ALK: variants seen among roughly 807,000 people sequenced by gnomAD.
ALK encodes ALK receptor tyrosine kinase.
In ALK, 74 loss-of-function variants were observed where a neutral mutation model predicts 163.1. The ratio of observed to expected loss-of-function variants is 0.45; its 90% CI spans 0.38 to 0.55. The LOEUF is 0.55. Ranked by LOEUF, ALK falls within the 20% of genes least tolerant of loss-of-function variation. The pLI is 0.00. For missense variants in ALK, 2,063 were observed against 2,105.3 expected, an observed-to-expected ratio of 0.98 and a Z score of 0.39; for synonymous variants, 960 against 843.2, an observed-to-expected ratio of 1.14 and a Z score of -2.40.
intron 1 of ALK, among the ~76,000 whole-genome samples, chr2:29,781,384 A>G (rs185851756): frequency 6.2e-4 from 95 of 152,284 alleles, no homozygotes; most frequent in Non-Finnish European, 1.0e-3. Flanking sequence ...TCCCAGGCTT[A>G]CTGATAGGTC....
chr2:29,394,929 C>G (rs893048446), intron 4 of ALK, among the ~76,000 whole-genome samples: 1 of 151,292 alleles, frequency 6.6e-6, no homozygotes, highest in Non-Finnish European at 1.5e-5. Flanking sequence ...AACATTGAAA[C>G]TGAAATGTGG....
chr2:29,238,602 C>T (rs756987386), intron 13 of ALK, among the ~76,000 whole-genome samples: 3 of 152,110 alleles, frequency 2.0e-5, no homozygotes, highest in Non-Finnish European at 2.9e-5. Flanking sequence ...GCCTGACAAC[C>T]GCCATTTTTC....
At chr2:29,871,247 T>C (rs1330444793) in intron 1 of ALK, among the ~76,000 whole-genome samples, 2 of 152,212 alleles carry the variant, frequency 1.3e-5, no homozygotes, top group East Asian at 1.9e-4. Flanking sequence ...TAGAGGAAGT[T>C]TGTGTCTAAA....
At chr2:29,560,863 C>T (rs183573326) in intron 3 of ALK, among the ~76,000 whole-genome samples, 91 of 152,146 alleles carry the variant, frequency 6.0e-4, no homozygotes, top group African/African-American at 2.1e-3. Flanking sequence ...TGAGCCACGG[C>T]ACCCGGCCCA....
chr2:29,751,336 T>C (rs542616195), intron 1 of ALK, among the ~76,000 whole-genome samples: 7 of 152,330 alleles, frequency 4.6e-5, no homozygotes, highest in East Asian at 3.9e-4. Flanking sequence ...GACATTACGA[T>C]GGCTATGACT....
At chr2:29,862,191 G>A (rs544985188) in intron 1 of ALK, among the ~76,000 whole-genome samples, 15 of 152,212 alleles carry the variant, frequency 9.9e-5, no homozygotes, top group South Asian at 2.1e-4. Context: ...AAAGTTGAAC[G>A]TTTTTCCTTT....
intron 3 of ALK, among the ~76,000 whole-genome samples, chr2:29,669,398 T>C (rs1461420158): frequency 6.6e-6 from 1 of 152,112 alleles, no homozygotes. Flanking sequence ...CTATTTTACC[T>C]GATATAAATA....
At position 29,196,868 on chromosome 2, in the gene ALK, A is replaced by AAGAAGCACATTAATTAAAATAAGG; in HGVS notation, c.4074-32_4074-9dup. On this transcript the variant is annotated splice_polypyrimidine_tract_variant and intron_variant, in intron 27 of 28. Coordinates refer to ENST00000389048, the MANE Select transcript of ALK (RefSeq NM_004304.5). ...TGAGTCATTATCCGGTATCTAAAAG[A>AAGAAGCACATTAATTAAAATAAGG]AGAAGCACATTAATTAAAATAAGGA... 1 of 1,601,056 alleles carries AAGAAGCACATTAATTAAAATAAGG rather than the reference A, an allele frequency of 6.2e-7. No homozygotes were observed.
At chr2:29,638,347 T>C (rs2148243087) in intron 3 of ALK, among the ~76,000 whole-genome samples, 1 of 152,342 alleles carries the variant, frequency 6.6e-6, no homozygotes, top group African/African-American at 2.4e-5. Context: ...CATTGACTAG[T>C]ATACACCTTC....
chr2:29,536,373 C>T (rs575004371), intron 3 of ALK, among the ~76,000 whole-genome samples: 3 of 151,790 alleles, frequency 2.0e-5, no homozygotes, highest in African/African-American at 2.4e-5. Context: ...CTTTCTCTCT[C>T]GCTCTCACTC....
chr2:29,782,497 C>T (rs868063833), intron 1 of ALK, among the ~76,000 whole-genome samples: 1 of 152,170 alleles, frequency 6.6e-6, no homozygotes, highest in Admixed American at 6.5e-5. Context: ...TAGCCCCTCG[C>T]GGCCTTCCCT....
intron 12 of ALK, among the ~76,000 whole-genome samples, chr2:29,240,365 A>G (rs1290786018): frequency 6.6e-6 from 1 of 152,178 alleles, no homozygotes; most frequent in Non-Finnish European, 1.5e-5. Flanking sequence ...TACATGTGCT[A>G]TGAGGATTAA....
chr2:29,536,704 C>T (rs4666237), intron 3 of ALK, among the ~76,000 whole-genome samples: 138,561 of 152,214 alleles, frequency 0.91, 64,025 homozygotes, highest in East Asian at 1. Flanking sequence ...GACAGGAAGA[C>T]GAGGGAAAGT....
At chr2:29,876,281 G>A (rs914816049) in intron 1 of ALK, among the ~76,000 whole-genome samples, 1 of 152,196 alleles carries the variant, frequency 6.6e-6, no homozygotes, top group Non-Finnish European at 1.5e-5. Flanking sequence ...TAGCAGTGAT[G>A]GTAATGATGA....
In ALK at chr2:29,694,876, GC is replaced by G. The variant is rs1573561737; in HGVS notation, c.925del (p.Ala309GlnfsTer26). 6.2e-7 allele frequency: 1 copy of G among 1,613,942 alleles called. No individual in the cohort carries two copies. Among genetic ancestry groups the G allele is most frequent in the Non-Finnish European group, 8.5e-7 (1 of 1,179,952 alleles). ...SQMDLLDGPG[A>X]ERSKEMPRGS... ...TCTGGGCATCTCCTTAGAACGCTCT[GC>G]CCCAGGCCCATCCAGCAAGTCCATC... On this transcript the variant is annotated frameshift_variant, in exon 3 of 29. Transcript: ENST00000389048. LOFTEE classifies it high-confidence loss of function.
At chr2:29,837,290 G>C (rs1047946399) in intron 1 of ALK, among the ~76,000 whole-genome samples, 2 of 152,130 alleles carry the variant, frequency 1.3e-5, no homozygotes, top group African/African-American at 4.8e-5. Flanking sequence ...CTGAGGCCAG[G>C]GAAGAGATAT....
chr2:29,289,995 C>G (rs751829267), intron 9 of ALK, among the ~76,000 whole-genome samples: 140 of 152,288 alleles, frequency 9.2e-4, no homozygotes, highest in Non-Finnish European at 1.7e-3. Flanking sequence ...AGATTGAGAG[C>G]TGGGGCTGTA....
intron 24 of ALK, among the ~76,000 whole-genome samples, chr2:29,210,304 A>G (rs1341577046): frequency 1.3e-5 from 2 of 152,244 alleles, no homozygotes; most frequent in Admixed American, 6.5e-5. Flanking sequence ...AAGGAATGCT[A>G]TCTGGCCTTA....
intron 4 of ALK, among the ~76,000 whole-genome samples, chr2:29,478,133 C>A (rs921415806): frequency 2.0e-5 from 3 of 152,172 alleles, no homozygotes; most frequent in Admixed American, 2.0e-4. Context: ...CCAGACCCAA[C>A]AGATAGAAAT....
Sources: allele counts gnomAD v4.1 joint callset (sites outside exome capture counted in the v4.1 genomes callset), GRCh38; gene constraint gnomAD v4.1.1; transcripts MANE v1.5; gene names NCBI Gene and HGNC (gene_info 2026-07-23, HGNC 2026-07-21).